The following KRT8 variants were observed in gnomAD, a reference collection of about 807,000 sequenced individuals.
KRT8 encodes the protein keratin 8, also known as keratin, type II cytoskeletal 8.
Under a neutral mutation model 43.0 loss-of-function variants are expected in KRT8, and 24 were observed. The ratio of observed to expected loss-of-function variants is 0.56; its 90% CI spans 0.40 to 0.78. KRT8 has a LOEUF of 0.78. Among genes scored for constraint, KRT8 ranks in the 30% least tolerant of loss-of-function variants. The pLI, the probability that KRT8 is intolerant of heterozygous loss-of-function variation, is 0.00. For missense variants in KRT8, 492 were observed against 638.4 expected (o/e 0.77, Z 2.47); for synonymous variants, 214 against 261.2 (o/e 0.82, Z 1.74).
At chr12:52,918,180 G>GGAAGAGGAAGAAGAAGAAGAA (rs1555188331) in intron 2 of KRT8, among the ~76,000 whole-genome samples, 19 of 73,818 alleles carry the variant, frequency 2.6e-4, no homozygotes, top group African/African-American at 9.6e-4. Flanking sequence ...AAGAGGAAGA[G>GGAAGAGGAAGAAGAAGAAGAA]GAAGAAGAAG....
At chr12:52,905,983 A>G (rs1941509925), upstream of KRT8, among the ~76,000 whole-genome samples, 1 of 152,208 alleles carries the variant, frequency 6.6e-6, no homozygotes, top group African/African-American at 2.4e-5. Context: ...CAGGAGGCTG[A>G]GGCAGGAGAA....
At chr12:52,915,047 A>G (rs1004414768) in intron 2 of KRT8, among the ~76,000 whole-genome samples, 1 of 152,176 alleles carries the variant, frequency 6.6e-6, no homozygotes, top group African/African-American at 2.4e-5. Context: ...AGGGGTGATC[A>G]GCCCCACCCA....
intron 2 of KRT8, among the ~76,000 whole-genome samples, chr12:52,938,749 C>A (rs1486437221): frequency 2.6e-5 from 4 of 152,134 alleles, no homozygotes; most frequent in African/African-American, 9.7e-5. Context: ...TCCCGAGGAC[C>A]TGGGACTACA....
chr12:52,948,653 G>C, intron 2 of KRT8: 2 of 339,048 alleles, frequency 5.9e-6, no homozygotes, highest in Admixed American at 4.8e-5. Context: ...CATCACGTCC[G>C]GCTAATTTTT....
At chr12:52,922,896 C>T (rs915176551) in intron 2 of KRT8, among the ~76,000 whole-genome samples, 9 of 152,278 alleles carry the variant, frequency 5.9e-5, no homozygotes, top group African/African-American at 2.2e-4. Context: ...GGCAGGAAGG[C>T]AGATTCTGCA....
upstream of KRT8, among the ~76,000 whole-genome samples, chr12:52,910,447 G>C (rs1380047121): frequency 6.6e-6 from 1 of 152,214 alleles, no homozygotes; most frequent in African/African-American, 2.4e-5. Flanking sequence ...GATATACTCT[G>C]TCCCTCAGGA....
chr12:52,944,947 C>T (rs994042910), intron 2 of KRT8, among the ~76,000 whole-genome samples: 9 of 152,204 alleles, frequency 5.9e-5, no homozygotes, highest in Admixed American at 5.9e-4. Flanking sequence ...CCGCAGCTGC[C>T]TCTGAAGCTT....
At chr12:52,900,119 C>T (rs773926991) in intron 4 of KRT8, 54 bp from the exon 5 acceptor site, 20 of 1,581,842 alleles carry the variant, frequency 1.3e-5, no homozygotes, top group Non-Finnish European at 1.6e-5. Context: ...CAGGGAGCCC[C>T]CTTTTCCACA....
intron 2 of KRT8, among the ~76,000 whole-genome samples, chr12:52,919,996 T>C (rs562245678): frequency 1.2e-4 from 19 of 152,312 alleles, no homozygotes; most frequent in African/African-American, 4.3e-4. Flanking sequence ...GTTCTCATTT[T>C]ACAGACAAGG....
intron 2 of KRT8, among the ~76,000 whole-genome samples, chr12:52,941,288 C>G (rs1942263829): frequency 6.6e-6 from 1 of 151,772 alleles, no homozygotes; most frequent in African/African-American, 2.4e-5. Context: ...ATCATAGGCT[C>G]AGCCTTATAT....
At chr12:52,920,407 G>C (rs1231629461) in intron 2 of KRT8, among the ~76,000 whole-genome samples, 1 of 151,874 alleles carries the variant, frequency 6.6e-6, no homozygotes, top group African/African-American at 2.4e-5. Flanking sequence ...AGACCAGCCT[G>C]ACCAACATGG....
intron 2 of KRT8, among the ~76,000 whole-genome samples, chr12:52,931,177 C>T (rs972569431): frequency 6.6e-6 from 1 of 151,910 alleles, no homozygotes; most frequent in African/African-American, 2.4e-5. Flanking sequence ...ATGCCATTCT[C>T]CTGCCTCAGT....
intron 7 of KRT8, among the ~76,000 whole-genome samples, chr12:52,897,895 A>C (rs1941254367): frequency 6.6e-6 from 1 of 152,220 alleles, no homozygotes; most frequent in Admixed American, 6.5e-5. Context: ...CATATAAAAA[A>C]TAAATTACAG....
chr12:52,914,624 C>A (rs57802417), intron 2 of KRT8, among the ~76,000 whole-genome samples: 50,738 of 152,150 alleles, frequency 0.33, 8,784 homozygotes, highest in Middle Eastern at 0.41. Flanking sequence ...CAGGTGTGAG[C>A]CCCAGCTCCC....
At chr12:52,925,502 C>T (rs1257553257) in intron 2 of KRT8, among the ~76,000 whole-genome samples, 2 of 152,152 alleles carry the variant, frequency 1.3e-5, no homozygotes, top group Non-Finnish European at 2.9e-5. Flanking sequence ...TGCAGGTATC[C>T]CCCTCCGTCA....
chr12:52,940,362 G>A (rs1341294469), intron 2 of KRT8, among the ~76,000 whole-genome samples: 2 of 150,996 alleles, frequency 1.3e-5, no homozygotes, highest in East Asian at 3.9e-4. Flanking sequence ...GAACCTGGGA[G>A]GTGGAGGTTG....
intron 2 of KRT8, among the ~76,000 whole-genome samples, chr12:52,921,957 G>A (rs1411689863): frequency 6.6e-6 from 1 of 151,788 alleles, no homozygotes; most frequent in Non-Finnish European, 1.5e-5. Flanking sequence ...CTTGAGGCTA[G>A]GAATTCAAGA....
At chr12:52,935,035 A>G (rs535083879) in intron 2 of KRT8, among the ~76,000 whole-genome samples, 2 of 151,898 alleles carry the variant, frequency 1.3e-5, no homozygotes, top group South Asian at 4.2e-4. Flanking sequence ...CTCTACTCAA[A>G]ATACAAATAC....
At chr12:52,916,580 G>A (rs1025745565) in intron 2 of KRT8, among the ~76,000 whole-genome samples, 1 of 152,216 alleles carries the variant, frequency 6.6e-6, no homozygotes, top group African/African-American at 2.4e-5. Flanking sequence ...CTCAGTGCCA[G>A]CATCTGCCCA....
Sources: allele counts gnomAD v4.1 joint callset (sites outside exome capture counted in the v4.1 genomes callset), GRCh38; gene constraint gnomAD v4.1.1; transcripts MANE v1.5; gene names NCBI Gene and HGNC (gene_info 2026-07-23, HGNC 2026-07-21).